FAM228B: variants seen among roughly 807,000 people sequenced by gnomAD.
The protein encoded by FAM228B is protein FAM228B.
Under a neutral mutation model 42.6 loss-of-function variants are expected in FAM228B, and 38 were observed. The ratio of observed to expected loss-of-function variants is 0.89; its 90% confidence interval spans 0.69 to 1.17. The LOEUF is 1.17. Among genes scored for constraint, FAM228B ranks in the 50% most tolerant of loss-of-function variants. The pLI, the probability that FAM228B is intolerant of heterozygous loss-of-function variation, is 0.00. For synonymous variants in FAM228B, 109 were observed against 122.3 expected, an observed-to-expected ratio of 0.89 and a Z score of 0.72; for missense variants, 344 against 367.3, an observed-to-expected ratio of 0.94 and a Z score of 0.52.
At chr2:24,083,487 G>A (rs924584970) in intron 2 of FAM228B, among the ~76,000 whole-genome samples, 4 of 152,112 alleles carry the variant, frequency 2.6e-5, no homozygotes, top group African/African-American at 7.2e-5. Flanking sequence ...TGCATCAAGC[G>A]CTAGGCTCTG....
chr2:24,090,155 T>C (rs1288351324), intron 2 of FAM228B, among the ~76,000 whole-genome samples: 2 of 149,958 alleles, frequency 1.3e-5, no homozygotes, highest in East Asian at 2.0e-4. Context: ...GTAGTCCCAG[T>C]TACTCGGGAG....
intron 1 of FAM228B, among the ~76,000 whole-genome samples, chr2:24,123,778 C>A (rs1456761420): frequency 2.0e-5 from 3 of 151,828 alleles, no homozygotes; most frequent in Non-Finnish European, 4.4e-5. Flanking sequence ...AGGCCGCAGG[C>A]GCCCGGCCTA....
intron 5 of FAM228B, among the ~76,000 whole-genome samples, chr2:24,142,981 C>T (rs956679620): frequency 5.9e-5 from 9 of 152,188 alleles, no homozygotes; most frequent in African/African-American, 1.4e-4. Flanking sequence ...AAGATTCATT[C>T]GAAGTGCAAG....
rs1199771751 is a variant in FAM228B at position 24,095,230 on chromosome 2, G to GT, written c.-121+2dup. ...GGTGATTTCTGCATTTCCGACTGAGGTAACTGATTCATCTCACTGGGACTG... is the reference window on the plus strand; with the variant it reads ...GGTGATTTCTGCATTTCCGACTGAGGTTAACTGATTCATCTCACTGGGACTG... On this transcript the variant is annotated splice_donor_variant, in intron 3 of 10. Coordinates refer to the FAM228B transcript ENST00000613899. LOFTEE classifies it low-confidence loss of function (5UTR_SPLICE). The surrounding 1 kb of genome is among the most constrained non-coding windows in gnomAD (Gnocchi z 4.8). 6.6e-6 allele frequency: 1 copy of GT among 152,494 alleles called. No homozygotes were observed. Among genetic ancestry groups the GT allele is most frequent in the African/African-American group, 2.4e-5 (1 of 41,444 alleles). 9.4% of individuals were successfully genotyped at this position (152,494 alleles called of 1,614,324 possible). A position where few individuals can be genotyped will look rare whatever the true frequency, so the allele number is the denominator to read the frequency against.
intron 7 of FAM228B, among the ~76,000 whole-genome samples, chr2:24,150,839 T>C (rs557569596): frequency 6.6e-6 from 1 of 152,334 alleles, no homozygotes; most frequent in South Asian, 2.1e-4. Context: ...TTCTTTCCTC[T>C]TGATGCTTTT....
chr2:24,143,724 G>A (rs920738865), intron 5 of FAM228B, among the ~76,000 whole-genome samples: 32 of 151,762 alleles, frequency 2.1e-4, no homozygotes, highest in African/African-American at 7.8e-4. Context: ...AACATAACAG[G>A]CATATTATTA....
At chr2:24,078,833 G>C (rs11887770) in intron 1 of FAM228B, 18,181 of 152,548 alleles carry the variant, frequency 0.12, 1,261 homozygotes, top group South Asian at 0.18. Context: ...ATTCCCAAAG[G>C]TGGTACCTGC....
At chr2:24,153,416 T>C (rs1237463686) in intron 7 of FAM228B, among the ~76,000 whole-genome samples, 3 of 152,216 alleles carry the variant, frequency 2.0e-5, no homozygotes, top group African/African-American at 7.2e-5. Flanking sequence ...TGATGAATCC[T>C]GCCAGGGTTG....
chr2:24,098,514 A>G (rs1665546871), intron 3 of FAM228B, among the ~76,000 whole-genome samples: 1 of 152,230 alleles, frequency 6.6e-6, no homozygotes, highest in Admixed American at 6.5e-5. Flanking sequence ...TTCTTTGCAA[A>G]TAAACTAGAA....
At chr2:24,106,911 C>T (rs770068298) in intron 3 of FAM228B, among the ~76,000 whole-genome samples, 1 of 151,934 alleles carries the variant, frequency 6.6e-6, no homozygotes, top group Non-Finnish European at 1.5e-5. Context: ...ATGACAGGAT[C>T]AAATCTGCAC....
At chr2:24,091,688 A>T (rs897038038) in intron 2 of FAM228B, among the ~76,000 whole-genome samples, 2 of 151,172 alleles carry the variant, frequency 1.3e-5, no homozygotes, top group Admixed American at 1.3e-4. Flanking sequence ...TTTAACAAGG[A>T]AGATACAAAA....
At chr2:24,106,748 A>G (rs1395348327) in intron 3 of FAM228B, among the ~76,000 whole-genome samples, 6 of 151,682 alleles carry the variant, frequency 4.0e-5, no homozygotes, top group African/African-American at 1.5e-4. Context: ...TTTTTTTTCC[A>G]CCAGATCTGC....
At chr2:24,120,042 A>G (rs1041812322), upstream of FAM228B, among the ~76,000 whole-genome samples, 5 of 152,106 alleles carry the variant, frequency 3.3e-5, no homozygotes, top group African/African-American at 1.2e-4. Context: ...GCCAAGGCAG[A>G]AAGATCACCT....
chr2:24,136,251 G>A (rs1484912776), intron 3 of FAM228B, among the ~76,000 whole-genome samples: 3 of 151,602 alleles, frequency 2.0e-5, no homozygotes, highest in Admixed American at 6.6e-5. Flanking sequence ...TTTTGAAACG[G>A]AGTCTTACTT....
chr2:24,156,422 C>T (rs1667146186), intron 7 of FAM228B, among the ~76,000 whole-genome samples: 1 of 152,088 alleles, frequency 6.6e-6, no homozygotes, highest in Non-Finnish European at 1.5e-5. Flanking sequence ...CACCGGAGGT[C>T]AGGAGTTTGA....
At chr2:24,103,693 G>C (rs1165631855) in intron 3 of FAM228B, among the ~76,000 whole-genome samples, 1 of 152,192 alleles carries the variant, frequency 6.6e-6, no homozygotes, top group African/African-American at 2.4e-5. Context: ...CCGGCCAGGA[G>C]GTGAGCTGCC....
intron 7 of FAM228B, 92 bp from the exon 8 acceptor site, chr2:24,161,414 T>C (rs760720032): frequency 6.5e-5 from 49 of 753,136 alleles, no homozygotes; most frequent in Non-Finnish European, 9.9e-5. Context: ...ATTGCACCAC[T>C]GCACCACAGC....
intron 5 of FAM228B, among the ~76,000 whole-genome samples, chr2:24,145,198 G>C (rs890435054): frequency 6.6e-6 from 1 of 152,144 alleles, no homozygotes; most frequent in Non-Finnish European, 1.5e-5. Flanking sequence ...CCGTAACACC[G>C]GTGCCACTGT....
chr2:24,083,047 T>A (rs1390580050), intron 2 of FAM228B: 2 of 1,614,170 alleles, frequency 1.2e-6, no homozygotes, highest in Non-Finnish European at 1.7e-6. Context: ...GTGTCCCCGA[T>A]CTTCCAGTGT....
Sources: allele counts gnomAD v4.1 joint callset (sites outside exome capture counted in the v4.1 genomes callset), GRCh38; gene constraint gnomAD v4.1.1; non-coding constraint Gnocchi (gnomAD v3.1); transcripts MANE v1.5; gene names NCBI Gene and HGNC (gene_info 2026-07-23, HGNC 2026-07-21).